Variants in MTMR9 observed in about 807,000 individuals in gnomAD.
MTMR9 encodes myotubularin-related protein 9.
MTMR9 carries 39 observed loss-of-function variants against 69.5 expected under a neutral mutation model. That is an observed-to-expected ratio of 0.56 (90% CI 0.43 to 0.73). The LOEUF (loss-of-function observed/expected upper bound fraction) is 0.73. MTMR9 is among the 30% of genes least tolerant of loss of function. The probability of loss-of-function intolerance (pLI) is 0.00; values close to 1 mark genes in which losing one functional copy is unlikely to be tolerated. For missense variants in MTMR9, 900 were observed against 671.2 expected, an observed-to-expected ratio of 1.34 and a Z score of -3.77; for synonymous variants, 354 against 240.8, an observed-to-expected ratio of 1.47 and a Z score of -4.35.
chr8:11,291,287 A>G (rs528620031), intron 1 of MTMR9, among the ~76,000 whole-genome samples: 6 of 152,256 alleles, frequency 3.9e-5, no homozygotes, highest in South Asian at 2.1e-4. Flanking sequence ...AAGATGGTGT[A>G]TATGCTAGGT....
intron 1 of MTMR9, among the ~76,000 whole-genome samples, chr8:11,289,700 A>C (rs948299069): frequency 2.0e-5 from 3 of 152,166 alleles, no homozygotes; most frequent in African/African-American, 7.2e-5. Flanking sequence ...GGGTGTGCGC[A>C]CACATGCATG....
At chr8:11,333,880 G>A in the MTMR9 span, among the ~76,000 whole-genome samples, 4 of 152,312 alleles carry the variant, frequency 2.6e-5, no homozygotes, top group East Asian at 7.7e-4. Context: ...CCATTGTGAT[G>A]GTATTAAGAG....
chr8:11,287,783 A>T (rs1214248793), intron 1 of MTMR9, among the ~76,000 whole-genome samples: 1 of 117,044 alleles, frequency 8.5e-6, no homozygotes, highest in Non-Finnish European at 1.6e-5. Context: ...TATTTATTAT[A>T]TATTATATAT....
At chr8:11,309,807 G>C in intron 6 of MTMR9, 119 bp downstream of exon 6, 1 of 1,009,660 alleles carries the variant, frequency 9.9e-7, no homozygotes, top group Non-Finnish European at 1.4e-6. Flanking sequence ...GTGTAGGCTA[G>C]TCAACACCAT....
downstream of MTMR9, chr8:11,332,197 T>TA: frequency 1.3e-6 from 2 of 1,512,360 alleles, no homozygotes; most frequent in Non-Finnish European, 1.8e-6. Flanking sequence ...AAAAAAAAAA[T>TA]AAAAGAAAAA....
At chr8:11,315,459 C>T (rs1170153514) in intron 7 of MTMR9, among the ~76,000 whole-genome samples, 2 of 152,166 alleles carry the variant, frequency 1.3e-5, no homozygotes, top group African/African-American at 2.4e-5. Context: ...TGCTGCTCCA[C>T]CCTGTGAAGC....
intron 8 of MTMR9, chr8:11,318,301 A>C (rs1026769145): frequency 1.3e-5 from 2 of 152,354 alleles, no homozygotes; most frequent in African/African-American, 4.8e-5. Flanking sequence ...GGCAGGGGGC[A>C]CAGGGCTGGA....
chr8:11,308,243 T>G (rs1276786008), intron 5 of MTMR9, among the ~76,000 whole-genome samples: 3 of 152,196 alleles, frequency 2.0e-5, no homozygotes, highest in African/African-American at 7.2e-5. Flanking sequence ...AGGGTTGAGT[T>G]TCTTCTGCAT....
chr8:11,328,939 T>C (rs760380674), downstream of MTMR9, among the ~76,000 whole-genome samples: 8 of 152,218 alleles, frequency 5.3e-5, no homozygotes, highest in Non-Finnish European at 8.8e-5. Context: ...TCTTAATCCA[T>C]TCTGTATTAA....
At chr8:11,320,413 T>C (rs757851313) in intron 9 of MTMR9, 1 of 152,238 alleles carries the variant, frequency 6.6e-6, no homozygotes, top group Non-Finnish European at 1.5e-5. Flanking sequence ...CCCTTAAGTA[T>C]GGAAGCTTAT....
intron 1 of MTMR9, among the ~76,000 whole-genome samples, chr8:11,286,254 A>C (rs1345011139): frequency 6.6e-6 from 1 of 151,536 alleles, no homozygotes; most frequent in Non-Finnish European, 1.5e-5. Context: ...GCCTGGCCTA[A>C]AATAAAAATT....
At chr8:11,303,756 A>G (rs1410818677) in intron 3 of MTMR9, among the ~76,000 whole-genome samples, 4 of 151,656 alleles carry the variant, frequency 2.6e-5, no homozygotes, top group Admixed American at 2.6e-4. Context: ...CTGGTCTTGA[A>G]CTCCTGAACT....
intron 1 of MTMR9, among the ~76,000 whole-genome samples, chr8:11,291,519 C>CATATTTTTAAAAAAAAA (rs1799380514): frequency 3.3e-5 from 5 of 151,974 alleles, no homozygotes; most frequent in Admixed American, 6.6e-5. Context: ...TTTTGTGGAG[C>CATATTTTTAAAAAAAAA]TCTTATGTTT....
In MTMR9 at chr8:11,325,573, G is replaced by A. The variant is rs1202489497; in HGVS notation, c.*2785G>A. ...TTTATACAGGAGATACGTAAAGTAG[G>A]CCCCACAAATAATATTTTTAAAATA... On this transcript the variant is annotated 3_prime_UTR_variant, in exon 10 of 10. Transcript: ENST00000221086. 6 of 151,902 alleles carry A rather than the reference G, an allele frequency of 3.9e-5. No individual in the cohort carries two copies. In the East Asian group the frequency reaches 9.6e-4, roughly 24 times the overall value. The allele number at this position is 151,902 out of a possible 1,614,324, so 9.4% of individuals were successfully genotyped here.
At chr8:11,290,396 A>G (rs1445514913) in intron 1 of MTMR9, among the ~76,000 whole-genome samples, 1 of 151,952 alleles carries the variant, frequency 6.6e-6, no homozygotes, top group East Asian at 1.9e-4. Flanking sequence ...AATGTTTTCT[A>G]GTGTGTCACC....
intron 6 of MTMR9, 116 bp from the exon 7 acceptor site, chr8:11,314,807 A>T (rs1380136709): frequency 8.4e-6 from 8 of 949,710 alleles, no homozygotes; most frequent in Non-Finnish European, 1.3e-5. Context: ...CAATACACTA[A>T]ATAAACTGAA....
intron 6 of MTMR9, among the ~76,000 whole-genome samples, chr8:11,311,402 G>C (rs1490454479): frequency 1.3e-5 from 2 of 152,200 alleles, no homozygotes. Context: ...ACACCTTAGA[G>C]ATGTTGCAGG....
downstream of MTMR9, chr8:11,331,061 G>A (rs1414250150): frequency 2.6e-6 from 4 of 1,554,038 alleles, no homozygotes; most frequent in Non-Finnish European, 3.5e-6. Context: ...GCTCTGAGGG[G>A]CCCAGGCTCC....
At chr8:11,306,506 T>G in intron 5 of MTMR9, 99 bp downstream of exon 5, 1 of 1,030,442 alleles carries the variant, frequency 9.7e-7, no homozygotes, top group Non-Finnish European at 1.4e-6. Context: ...AATTAACTTC[T>G]GCATTAATTT....
Sources: allele counts gnomAD v4.1 joint callset (sites outside exome capture counted in the v4.1 genomes callset), GRCh38; gene constraint gnomAD v4.1.1; transcripts MANE v1.5; gene names NCBI Gene and HGNC (gene_info 2026-07-23, HGNC 2026-07-21).